Variants in LOXL2 observed in about 807,000 individuals in gnomAD.
The protein encoded by LOXL2 is lysyl oxidase like 2.
In LOXL2, 70 loss-of-function variants were observed where a neutral mutation model predicts 93.0. That is an observed-to-expected ratio of 0.75 (90% CI 0.62 to 0.92). The LOEUF (loss-of-function observed/expected upper bound fraction) is 0.92, where lower values mean the gene tolerates loss of function less well. Ranked by LOEUF, LOXL2 falls within the 40% of genes least tolerant of loss-of-function variation. The probability of loss-of-function intolerance (pLI) is 0.00; values close to 1 mark genes in which losing one functional copy is unlikely to be tolerated. For missense variants in LOXL2, 973 were observed against 1,054.9 expected, an observed-to-expected ratio of 0.92 and a Z score of 1.08; for synonymous variants, 438 against 413.2, an observed-to-expected ratio of 1.06 and a Z score of -0.73.
chr8:23,354,890 A>G (rs1804160802), intron 3 of LOXL2, among the ~76,000 whole-genome samples: 1 of 148,092 alleles, frequency 6.8e-6, no homozygotes, highest in African/African-American at 2.5e-5. Flanking sequence ...CCTGAGATCT[A>G]TCTTCCATCA....
chr8:23,361,962 G>A (rs762573346), intron 2 of LOXL2, among the ~76,000 whole-genome samples: 76 of 152,316 alleles, frequency 5.0e-4, no homozygotes, highest in Middle Eastern at 3.4e-3. Flanking sequence ...AGCTACTATA[G>A]AAAACAGTAC....
Position 23,320,065 on chromosome 8 carries a change from AG to A in LOXL2, c.1303-14del, listed in dbSNP as rs776812392. ...CGTTCAGGCGCAGCTGCAGACACAA[AG>A]GCAGGCCACGGTCACCAAGAGGGAC... On this transcript the variant is annotated splice_polypyrimidine_tract_variant and intron_variant, in intron 7 of 13. Transcript: ENST00000389131. 2.6e-5 allele frequency: 42 copies of A among 1,613,296 alleles called. No individual in the cohort carries two copies. The East Asian group carries it at 9.4e-4, about 36-fold the overall frequency.
chr8:23,383,666 T>G (rs1232047269), intron 1 of LOXL2, among the ~76,000 whole-genome samples: 2 of 59,900 alleles, frequency 3.3e-5, no homozygotes, highest in Non-Finnish European at 7.5e-5. Flanking sequence ...TGTTTTTTTT[T>G]TTTTTTTTTT....
At chr8:23,341,700 C>T (rs1803885325) in intron 3 of LOXL2, among the ~76,000 whole-genome samples, 1 of 152,180 alleles carries the variant, frequency 6.6e-6, no homozygotes, top group African/African-American at 2.4e-5. Context: ...CCCAGATGTC[C>T]TGAAGCTGGT....
In LOXL2 at chr8:23,328,441, C is replaced by T; in HGVS notation, c.1091G>A (p.Cys364Tyr). ...KWDLVSASVV[C>Y]RELGFGSAKE... Reference sequence around the variant, plus strand: ...GGCACTCCCAAAGCCCAGCTCTCTGCAGACCACACTGGCCGACACCAGGTC... The same window carrying T: ...GGCACTCCCAAAGCCCAGCTCTCTGTAGACCACACTGGCCGACACCAGGTC... Residue 364 changes from cysteine to tyrosine, a missense_variant, in exon 6 of 14, where the codon TGC becomes TAC. Cys to Tyr is a radical substitution (Grantham distance 194, BLOSUM62 -2). Transcript: ENST00000389131. 1 of 1,614,130 alleles carries T rather than the reference C, an allele frequency of 6.2e-7. No homozygotes were observed. Among genetic ancestry groups the T allele is most frequent in the Non-Finnish European group, 8.5e-7 (1 of 1,180,040 alleles).
intron 1 of LOXL2, among the ~76,000 whole-genome samples, chr8:23,381,784 G>C (rs777375966): frequency 6.6e-6 from 1 of 152,202 alleles, no homozygotes; most frequent in Non-Finnish European, 1.5e-5. Flanking sequence ...GGATGGGGAC[G>C]GCGAGGCCAT....
chr8:23,297,934 G>T lies in LOXL2; in HGVS notation c.*109C>A. On this transcript the variant is annotated 3_prime_UTR_variant, in exon 14 of 14. Transcript: ENST00000389131. ...CTGTAGGGGTCTGGACAGGGTGGGG[G>T]CCGGGCTGGGTGAGGGCACGTGGCA... is the stretch of plus-strand genomic sequence containing the variant. The T allele has an allele frequency of 1.2e-6, 1 of 844,836 alleles. No homozygotes were observed. The highest frequency in any genetic ancestry group is 1.9e-6 in the Non-Finnish European group (1 of 513,706). 52.3% of individuals were successfully genotyped at this position (844,836 alleles called of 1,614,324 possible).
intron 3 of LOXL2, among the ~76,000 whole-genome samples, chr8:23,356,432 A>G (rs933359242): frequency 7.2e-5 from 11 of 152,204 alleles, no homozygotes. Flanking sequence ...ACGTCTCAGC[A>G]TCCCATAAAT....
chr8:23,343,921 C>T (rs971171206), intron 3 of LOXL2, among the ~76,000 whole-genome samples: 2 of 152,206 alleles, frequency 1.3e-5, no homozygotes, highest in Non-Finnish European at 2.9e-5. Flanking sequence ...CTGTCATGCC[C>T]AGAAGGAAAG....
intron 3 of LOXL2, among the ~76,000 whole-genome samples, chr8:23,342,799 G>A (rs948634241): frequency 6.6e-6 from 1 of 151,980 alleles, no homozygotes; most frequent in Non-Finnish European, 1.5e-5. Flanking sequence ...TGCCCAGGCT[G>A]GAGTGCAGTG....
chr8:23,317,606 A>G lies in LOXL2; in HGVS notation c.1471-492T>C, dbSNP rs146021721. 7.7e-3 allele frequency among the ~76,000 whole-genome samples: 1,174 copies of G among 152,338 alleles called. 18 individuals are homozygous for G. Among genetic ancestry groups the G allele is most frequent in the African/African-American group, 0.027 (1,122 of 41,570 alleles). On this transcript the variant is annotated intron_variant, in intron 8 of 13. Transcript: ENST00000389131. The stretch of plus-strand genomic sequence containing the variant: ...ATAGGTCAATCATTAGACATGTTAT[A>G]AAGACGAACTTCTGAATTTAGACTT...
At chr8:23,351,553 T>C (rs1804094054) in intron 3 of LOXL2, among the ~76,000 whole-genome samples, 1 of 152,268 alleles carries the variant, frequency 6.6e-6, no homozygotes, top group Admixed American at 6.5e-5. Context: ...TCCTTATTCA[T>C]GTGTGCAATC....
intron 1 of LOXL2, among the ~76,000 whole-genome samples, chr8:23,396,359 C>T (rs979186536): frequency 8.0e-5 from 12 of 150,876 alleles, no homozygotes; most frequent in African/African-American, 1.5e-4. Flanking sequence ...AACAAAAAAA[C>T]GAGAGAGAGA....
chr8:23,398,431 T>A (rs772034855), intron 1 of LOXL2, among the ~76,000 whole-genome samples: 2 of 152,152 alleles, frequency 1.3e-5, no homozygotes, highest in African/African-American at 2.4e-5. Context: ...AAGACTATAA[T>A]TAAATATAAT....
At chr8:23,384,289 G>A (rs751350883) in intron 1 of LOXL2, among the ~76,000 whole-genome samples, 6 of 152,174 alleles carry the variant, frequency 3.9e-5, no homozygotes, top group African/African-American at 1.2e-4. Flanking sequence ...CCAAGGCAAC[G>A]TGCCAGCTCA....
At chr8:23,365,985 T>C (rs1163132496) in intron 2 of LOXL2, 2 of 152,260 alleles carry the variant, frequency 1.3e-5, no homozygotes, top group Non-Finnish European at 2.9e-5. Context: ...CACGCTTGGA[T>C]GGCAAAGTCC....
intron 5 of LOXL2, among the ~76,000 whole-genome samples, chr8:23,332,552 CCACACTCATACA>C (rs1215183941): frequency 9.6e-6 from 1 of 103,698 alleles, no homozygotes; most frequent in Non-Finnish European, 2.0e-5. Flanking sequence ...CCCCACACAC[CCACACTCATACA>C]CACACACCCA....
chr8:23,367,930 C>A, intron 2 of LOXL2, 67 bp downstream of exon 2: 1 of 1,350,518 alleles, frequency 7.4e-7, no homozygotes, highest in Non-Finnish European at 1.0e-6. Flanking sequence ...CCCAGGCTGA[C>A]CTCAGGGAAG....
In LOXL2 at chr8:23,351,817, C is replaced by T. The variant is rs956127437; in HGVS notation, c.531+8273G>A. Among the ~76,000 whole-genome samples the T allele has an allele frequency of 4.6e-5, 7 of 152,192 alleles. No individual in the cohort carries two copies. The South Asian group carries it at 8.3e-4, about 18-fold the overall frequency. On this transcript the variant is annotated intron_variant, in intron 3 of 13. Transcript: ENST00000389131. ...CATATAGACTCTTAGTAAATAGAAT[C>T]GCGGAATGTGAGGGCTAGACAGGAT...
Sources: gnomAD v4.1 joint callset for allele counts (sites outside exome capture counted in the v4.1 genomes callset) on GRCh38, gnomAD v4.1.1 for gene constraint, MANE v1.5 for transcripts, NCBI Gene and HGNC (gene_info 2026-07-23, HGNC 2026-07-21) for gene names.